ICA1L: variants seen among roughly 807,000 people sequenced by gnomAD.
The protein encoded by ICA1L is islet cell autoantigen 1 like.
A neutral mutation model predicts 61.3 loss-of-function variants in ICA1L; 50 were observed. The observed-to-expected ratio is 0.82, with a 90% CI of 0.65 to 1.03. ICA1L has a LOEUF of 1.03. ICA1L is among the 50% of genes least tolerant of loss of function. ICA1L has a pLI of 0.00. For synonymous variants in ICA1L, 161 were observed against 191.3 expected, an observed-to-expected ratio of 0.84 and a Z score of 1.31; for missense variants, 508 against 556.7, an observed-to-expected ratio of 0.91 and a Z score of 0.88.
At chr2:202,855,637 C>G (rs1694746619) in intron 1 of ICA1L, among the ~76,000 whole-genome samples, 1 of 152,034 alleles carries the variant, frequency 6.6e-6, no homozygotes, top group Non-Finnish European at 1.5e-5. Context: ...TGTGCCTGGC[C>G]TCCAATAACA....
intron 1 of ICA1L, among the ~76,000 whole-genome samples, chr2:202,829,451 A>C (rs1693952491): frequency 6.6e-6 from 1 of 152,220 alleles, no homozygotes; most frequent in African/African-American, 2.4e-5. Context: ...AAAAGGTACT[A>C]AATGTAATTT....
chr2:202,858,211 G>C (rs907656562), intron 1 of ICA1L, among the ~76,000 whole-genome samples: 1 of 152,100 alleles, frequency 6.6e-6, no homozygotes, highest in Non-Finnish European at 1.5e-5. Context: ...CAAAGACTTA[G>C]AACCAACCCA....
intron 3 of ICA1L, among the ~76,000 whole-genome samples, chr2:202,823,740 G>C (rs1295875071): frequency 6.6e-6 from 1 of 152,064 alleles, no homozygotes; most frequent in Non-Finnish European, 1.5e-5. Flanking sequence ...CTATGGAATT[G>C]CCTTTGCCAA....
At chr2:202,792,021 A>G (rs1203993955) in intron 10 of ICA1L, among the ~76,000 whole-genome samples, 1 of 152,026 alleles carries the variant, frequency 6.6e-6, no homozygotes, top group Non-Finnish European at 1.5e-5. Context: ...TACAAAAATT[A>G]GCTGGGTGTA....
At chr2:202,819,503 T>C in intron 5 of ICA1L, 198 bp downstream of exon 5, 1 of 564,018 alleles carries the variant, frequency 1.8e-6, no homozygotes, top group Non-Finnish European at 3.1e-6. Context: ...AAAAGGTAGA[T>C]GGTGTGAAGA....
At chr2:202,809,336 T>C (rs568975187) in intron 9 of ICA1L, among the ~76,000 whole-genome samples, 3 of 151,522 alleles carry the variant, frequency 2.0e-5, no homozygotes, top group Non-Finnish European at 4.4e-5. Context: ...TATCTGAAAA[T>C]GCAGTCAGAG....
Position 202,796,882 on chromosome 2 carries a change from ATTC to A in ICA1L, c.985+5_985+7del, listed in dbSNP as rs746850848. 2 of 1,502,680 alleles carry A rather than the reference ATTC, an allele frequency of 1.3e-6. No homozygotes were observed. Among genetic ancestry groups the A allele is most frequent in the East Asian group, 4.5e-5 (2 of 44,046 alleles). The allele number at this position is 1,502,680 out of a possible 1,614,324, so 93.1% of individuals were successfully genotyped here. A position where few individuals can be genotyped will look rare whatever the true frequency, so the allele number is the denominator to read the frequency against. On this transcript the variant is annotated splice_donor_5th_base_variant and intron_variant, in intron 10 of 12. Transcript: ENST00000358299. ...AATCATTCATATGTAGAGTGAAATG[ATTC>A]TTACCATTTTCAGAGTTAGAAAACT... is the stretch of plus-strand genomic sequence containing the variant.
rs1468393933 is a variant in ICA1L, at chr2:202,776,108, T to G, written c.*3425A>C. The G allele has an allele frequency of 6.6e-6, 1 of 152,192 alleles. No homozygotes were observed. Among genetic ancestry groups the G allele is most frequent in the Admixed American group, 6.5e-5 (1 of 15,278 alleles). 9.4% of individuals were successfully genotyped at this position (152,192 alleles called of 1,614,324 possible). A position where few individuals can be genotyped will look rare whatever the true frequency, so the allele number is the denominator to read the frequency against. On this transcript the variant is annotated 3_prime_UTR_variant, in exon 13 of 13. Coordinates refer to ENST00000358299, the MANE Select transcript of ICA1L (RefSeq NM_001288622.3). ...TACAGATACGTGAAATATTTATAGT[T>G]AAAATACAAAACACTTTTTCAGTGT... is the stretch of plus-strand genomic sequence containing the variant.
At chr2:202,781,426 T>C (rs1692400028) in intron 12 of ICA1L, among the ~76,000 whole-genome samples, 2 of 151,192 alleles carry the variant, frequency 1.3e-5, no homozygotes, top group South Asian at 4.2e-4. Flanking sequence ...AAAAAAAAAT[T>C]AGCAGGGCGT....
At chr2:202,843,325 G>C (rs1213287790) in intron 1 of ICA1L, among the ~76,000 whole-genome samples, 1 of 152,070 alleles carries the variant, frequency 6.6e-6, no homozygotes, top group Non-Finnish European at 1.5e-5. Context: ...CACTAGTCAG[G>C]GTGCCAGCTG....
intron 5 of ICA1L, among the ~76,000 whole-genome samples, chr2:202,818,900 C>A (rs1255983814): frequency 6.6e-6 from 1 of 152,220 alleles, no homozygotes; most frequent in Non-Finnish European, 1.5e-5. Context: ...GCATAACATA[C>A]AATTAGCAAT....
At chr2:202,843,306 T>C (rs531269331) in intron 1 of ICA1L, among the ~76,000 whole-genome samples, 2 of 152,312 alleles carry the variant, frequency 1.3e-5, no homozygotes, top group South Asian at 2.1e-4. Context: ...TGGGGTGCAG[T>C]GGTTCTGGCA....
intron 1 of ICA1L, among the ~76,000 whole-genome samples, chr2:202,870,224 A>C (rs1427262343): frequency 1.3e-5 from 2 of 152,182 alleles, no homozygotes; most frequent in African/African-American, 4.8e-5. Context: ...TAGTTCCATA[A>C]CTGGTATAAA....
chr2:202,844,742 G>A (rs1306121457), intron 1 of ICA1L, among the ~76,000 whole-genome samples: 3 of 152,302 alleles, frequency 2.0e-5, no homozygotes, highest in South Asian at 2.1e-4. Flanking sequence ...AGGAGGAAAC[G>A]TCAAGAATGA....
chr2:202,797,132 T>TTGTGTGTGTATATATGTGTGTGTGTGTG, intron 9 of ICA1L, among the ~76,000 whole-genome samples, 168 bp from the exon 10 acceptor site: 1 of 147,822 alleles, frequency 6.8e-6, no homozygotes, highest in African/African-American at 2.5e-5. Context: ...AAAATCACAT[T>TTGTGTGTGTATATATGTGTGTGTGTGTG]TGTGTGTGTG....
At chr2:202,840,093 A>G (rs1574370028) in intron 1 of ICA1L, among the ~76,000 whole-genome samples, 1 of 114,586 alleles carries the variant, frequency 8.7e-6, no homozygotes, top group Admixed American at 9.7e-5. Context: ...TTTTTTGCAG[A>G]GCTAGCTGAG....
rs967260548 is a variant in ICA1L, at chr2:202,849,241, G to A, written c.-7-20225C>T. 2.6e-5 allele frequency among the ~76,000 whole-genome samples: 4 copies of A among 152,112 alleles called. No individual in the cohort carries two copies. The highest frequency in any genetic ancestry group is 9.7e-5 in the African/African-American group (4 of 41,430). The stretch of plus-strand genomic sequence containing the variant: ...CTAGCTGCAGGAGGTTTTTGTTTTT[G>A]TTTTTGTACCCCAGTGGTGCCTGGA... On this transcript the variant is annotated intron_variant, in intron 1 of 12. Coordinates refer to ENST00000358299, the MANE Select transcript of ICA1L (RefSeq NM_001288622.3). The surrounding 1 kb of genome is among the most constrained non-coding windows in gnomAD (Gnocchi z 4.5).
chr2:202,808,057 C>A (rs1693272827), intron 9 of ICA1L, among the ~76,000 whole-genome samples: 1 of 152,122 alleles, frequency 6.6e-6, no homozygotes, highest in Non-Finnish European at 1.5e-5. Flanking sequence ...GCTATGGTGC[C>A]CACAGGGAGA....
intron 9 of ICA1L, among the ~76,000 whole-genome samples, chr2:202,809,398 C>T (rs1693313126): frequency 6.6e-6 from 1 of 151,832 alleles, no homozygotes; most frequent in Admixed American, 6.6e-5. Flanking sequence ...GCCTGTAATC[C>T]CAGTACTTCG....
Sources: gnomAD v4.1 joint callset for allele counts (sites outside exome capture counted in the v4.1 genomes callset) on GRCh38, gnomAD v4.1.1 for gene constraint, Gnocchi (gnomAD v3.1) non-coding constraint, MANE v1.5 for transcripts, NCBI Gene and HGNC (gene_info 2026-07-23, HGNC 2026-07-21) for gene names.